DPF3: variants seen among roughly 807,000 people sequenced by gnomAD.
DPF3 encodes the protein double PHD fingers 3.
Under a neutral mutation model 56.8 loss-of-function variants are expected in DPF3, and 18 were observed. The ratio of observed to expected loss-of-function variants is 0.32; its 90% confidence interval spans 0.22 to 0.47. The LOEUF is 0.47. Ranked by LOEUF, DPF3 falls within the 20% of genes least tolerant of loss-of-function variation. The pLI, the probability that DPF3 is intolerant of heterozygous loss-of-function variation, is 1.00. For synonymous variants in DPF3, 188 were observed against 180.2 expected, an observed-to-expected ratio of 1.04 and a Z score of -0.35; for missense variants, 403 against 488.8, an observed-to-expected ratio of 0.82 and a Z score of 1.65.
At chr14:72,733,828 C>T (rs4899440) in intron 3 of DPF3, among the ~76,000 whole-genome samples, 32,812 of 152,026 alleles carry the variant, frequency 0.22, 3,984 homozygotes, top group Middle Eastern at 0.32. Context: ...GGAGTCTGAC[C>T]AATCCATGAG....
At chr14:72,727,309 G>A (rs1889444992) in intron 4 of DPF3, among the ~76,000 whole-genome samples, 1 of 152,174 alleles carries the variant, frequency 6.6e-6, no homozygotes, top group Admixed American at 6.5e-5. Flanking sequence ...CAGATGCGGT[G>A]GCTCACGCCT....
At chr14:72,868,623 C>A (rs1426925138) in intron 1 of DPF3, among the ~76,000 whole-genome samples, 1 of 152,142 alleles carries the variant, frequency 6.6e-6, no homozygotes, top group Non-Finnish European at 1.5e-5. Context: ...AAAGGAAAAG[C>A]AGAGGGAGGC....
At chr14:72,686,510 C>T (rs992387316) in intron 7 of DPF3, among the ~76,000 whole-genome samples, 3 of 152,236 alleles carry the variant, frequency 2.0e-5, no homozygotes, top group African/African-American at 4.8e-5. Flanking sequence ...TCACCATTCA[C>T]ACCCTGGACT....
chr14:72,769,948 T>C (rs1891451918), intron 2 of DPF3, among the ~76,000 whole-genome samples: 1 of 152,180 alleles, frequency 6.6e-6, no homozygotes, highest in Non-Finnish European at 1.5e-5. Flanking sequence ...ATGTGAACTG[T>C]ATCTCACAAT....
At chr14:72,712,854 G>A (rs1464929044) in intron 6 of DPF3, among the ~76,000 whole-genome samples, 1 of 152,222 alleles carries the variant, frequency 6.6e-6, no homozygotes, top group Non-Finnish European at 1.5e-5. Context: ...CAGCCTGGGT[G>A]ACAACGCAAG....
chr14:72,740,633 C>T (rs1482436564), intron 3 of DPF3, among the ~76,000 whole-genome samples: 4 of 152,162 alleles, frequency 2.6e-5, no homozygotes, highest in African/African-American at 7.2e-5. Context: ...GGTGAGTCCA[C>T]GGAGGAATGG....
intron 8 of DPF3, among the ~76,000 whole-genome samples, chr14:72,630,996 C>A (rs1310354792): frequency 6.6e-6 from 1 of 152,226 alleles, no homozygotes; most frequent in Non-Finnish European, 1.5e-5. Context: ...CAGGAGCCCC[C>A]ATTTCCTCCC....
At chr14:72,669,476 C>T (rs990610078) in intron 8 of DPF3, among the ~76,000 whole-genome samples, 8 of 152,180 alleles carry the variant, frequency 5.3e-5, no homozygotes, top group African/African-American at 1.7e-4. Context: ...AATTTGGACT[C>T]ATCCCCTTGG....
Position 72,731,756 on chromosome 14 carries a change from C to T in DPF3, c.429+51G>A, listed in dbSNP as rs890139345. The T allele has an allele frequency of 1.6e-5, 25 of 1,607,848 alleles. 1 individual carries two copies. The South Asian group carries it at 2.3e-4, about 15-fold the overall frequency. On this transcript the variant is annotated intron_variant, in intron 4 of 10. Coordinates refer to ENST00000556509, the MANE Select transcript of DPF3 (RefSeq NM_001280542.3). ...CAAGCCGGTGCTGGAGTTCTGGAAG[C>T]GCTATGGTGACAGGAACACTCTGTG...
chr14:72,683,611 G>A (rs185370456), intron 7 of DPF3, among the ~76,000 whole-genome samples: 35 of 152,296 alleles, frequency 2.3e-4, no homozygotes, highest in African/African-American at 6.7e-4. Flanking sequence ...AAGGTCACAC[G>A]TTAGTCAGTG....
intron 2 of DPF3, among the ~76,000 whole-genome samples, chr14:72,754,582 G>T (rs774090858): frequency 3.5e-4 from 53 of 152,212 alleles, no homozygotes; most frequent in Non-Finnish European, 5.6e-4. Context: ...TACCACAAAA[G>T]TGTCACTGTG....
intron 1 of DPF3, among the ~76,000 whole-genome samples, chr14:72,822,973 G>A (rs888500774): frequency 3.3e-5 from 5 of 152,130 alleles, no homozygotes; most frequent in South Asian, 2.1e-4. Flanking sequence ...AGAAGCCCTC[G>A]CTCCCATCGG....
At chr14:72,681,364 C>T (rs769895065) in intron 7 of DPF3, among the ~76,000 whole-genome samples, 1 of 152,044 alleles carries the variant, frequency 6.6e-6, no homozygotes, top group Non-Finnish European at 1.5e-5. Context: ...CATCTACCTC[C>T]CCCAGGAATC....
chr14:72,670,284 C>G lies in DPF3; in HGVS notation c.871+3956G>C, dbSNP rs541137774. 2.6e-5 allele frequency: 26 copies of G among 985,956 alleles called. No homozygotes were observed. The East Asian group carries it at 3.0e-3, about 112-fold the overall frequency. 61.1% of individuals were successfully genotyped at this position (985,956 alleles called of 1,614,324 possible). ...CCATGACGTTCTGCTTATATTCCAT[C>G]CCTGCATTTGGAAGTCGTTCTTTGC... On this transcript the variant is annotated intron_variant, in intron 8 of 10. Transcript: ENST00000556509.
chr14:72,746,014 G>C (rs756130704), intron 3 of DPF3, among the ~76,000 whole-genome samples: 1 of 152,208 alleles, frequency 6.6e-6, no homozygotes, highest in Non-Finnish European at 1.5e-5. Flanking sequence ...ACCCCCACCA[G>C]GTGCACAGAA....
At chr14:72,793,544 C>T (rs1447302478) in intron 1 of DPF3, among the ~76,000 whole-genome samples, 1 of 152,208 alleles carries the variant, frequency 6.6e-6, no homozygotes, top group East Asian at 1.9e-4. Flanking sequence ...AGTTTATCTC[C>T]ATCCTCACAC....
chr14:72,821,257 T>C (rs770384432), intron 1 of DPF3, among the ~76,000 whole-genome samples: 1 of 151,912 alleles, frequency 6.6e-6, no homozygotes, highest in African/African-American at 2.4e-5. Flanking sequence ...GCACTCCAGC[T>C]TGGGCAACAG....
intron 1 of DPF3, among the ~76,000 whole-genome samples, chr14:72,861,140 CATCT>C (rs755308272): frequency 1.4e-4 from 21 of 152,076 alleles, no homozygotes; most frequent in South Asian, 8.3e-4. Flanking sequence ...TACTATCTAT[CATCT>C]ATCTGTCTGT....
Position 72,828,537 on chromosome 14 carries a change from TA to T in DPF3, c.33-56645del, listed in dbSNP as rs3058950. Among the ~76,000 whole-genome samples the T allele has an allele frequency of 1.6e-4, 14 of 86,988 alleles. 1 individual carries two copies. Among genetic ancestry groups the T allele is most frequent in the African/African-American group, 3.6e-4 (8 of 22,052 alleles). 57.1% of individuals were successfully genotyped at this position (86,988 alleles called of 152,430 possible). On this transcript the variant is annotated intron_variant, in intron 1 of 10. Transcript: ENST00000556509. ...TGGGCAACAAAGTGAGACCATGTCT[TA>T]AAAAAAAAAAAAAACTTAATATGAT...
Sources: gnomAD v4.1 joint callset for allele counts (sites outside exome capture counted in the v4.1 genomes callset) on GRCh38, gnomAD v4.1.1 for gene constraint, MANE v1.5 for transcripts, NCBI Gene and HGNC (gene_info 2026-07-23, HGNC 2026-07-21) for gene names.